The following PTPRD variants were observed in gnomAD, a reference collection of about 807,000 sequenced individuals.
PTPRD encodes receptor-type tyrosine-protein phosphatase delta.
Under a neutral mutation model 214.5 loss-of-function variants are expected in PTPRD, and 34 were observed. The ratio of observed to expected loss-of-function variants is 0.16; its 90% CI spans 0.12 to 0.21. The LOEUF (loss-of-function observed/expected upper bound fraction) is 0.21. Ranked by LOEUF, PTPRD falls within the 10% of genes least tolerant of loss-of-function variation. PTPRD has a pLI of 1.00. For synonymous variants in PTPRD, 1,128 were observed against 845.7 expected, an observed-to-expected ratio of 1.33 and a Z score of -5.79; for missense variants, 2,545 against 2,398.7, an observed-to-expected ratio of 1.06 and a Z score of -1.27.
intron 2 of PTPRD, among the ~76,000 whole-genome samples, chr9:10,511,568 TA>T (rs1446638681): frequency 6.0e-5 from 6 of 100,108 alleles, no homozygotes; most frequent in Non-Finnish European, 9.2e-5. Flanking sequence ...CACACCCTGG[TA>T]TTTTTTTTTT....
chr9:9,021,163 A>G (rs2099568399), intron 10 of PTPRD, among the ~76,000 whole-genome samples: 1 of 152,202 alleles, frequency 6.6e-6, no homozygotes, highest in Non-Finnish European at 1.5e-5. Flanking sequence ...ATCTTTTGTT[A>G]CATAAACACC....
At chr9:9,922,111 C>G (rs1353283688) in intron 5 of PTPRD, among the ~76,000 whole-genome samples, 1 of 152,064 alleles carries the variant, frequency 6.6e-6, no homozygotes, top group Non-Finnish European at 1.5e-5. Flanking sequence ...AAGAAGTTAG[C>G]AAATCACTCA....
chr9:9,366,255 T>C (rs868631614), intron 9 of PTPRD, among the ~76,000 whole-genome samples: 9 of 151,590 alleles, frequency 5.9e-5, no homozygotes, highest in Non-Finnish European at 7.4e-5. Flanking sequence ...CTGAGTGTTG[T>C]AATTTTTTTA....
intron 12 of PTPRD, among the ~76,000 whole-genome samples, chr9:8,639,125 G>C (rs1564897635): frequency 6.6e-6 from 1 of 152,202 alleles, no homozygotes; most frequent in Non-Finnish European, 1.5e-5. Flanking sequence ...ACAGGCGTGA[G>C]CCACCACGCC....
At chr9:8,565,473 C>T (rs567254177) in intron 14 of PTPRD, among the ~76,000 whole-genome samples, 13 of 152,174 alleles carry the variant, frequency 8.5e-5, no homozygotes, top group Non-Finnish European at 1.6e-4. Flanking sequence ...AAATGTAATT[C>T]CTATGCATGA....
intron 32 of PTPRD, among the ~76,000 whole-genome samples, chr9:8,465,031 T>C (rs1565019855): frequency 6.6e-6 from 1 of 151,930 alleles, no homozygotes; most frequent in Admixed American, 6.6e-5. Context: ...ATATGCCATG[T>C]TGAATGGCCA....
chr9:9,480,596 T>A (rs868533947), intron 8 of PTPRD, among the ~76,000 whole-genome samples: 1 of 152,164 alleles, frequency 6.6e-6, no homozygotes, highest in Non-Finnish European at 1.5e-5. Flanking sequence ...CTCTTTTTCT[T>A]TTAGTAATTT....
At chr9:9,349,453 G>A (rs891121943) in intron 9 of PTPRD, among the ~76,000 whole-genome samples, 1 of 152,008 alleles carries the variant, frequency 6.6e-6, no homozygotes, top group Non-Finnish European at 1.5e-5. Flanking sequence ...CTCCCAAGAA[G>A]ATTGCTGCCA....
intron 3 of PTPRD, among the ~76,000 whole-genome samples, chr9:10,287,034 G>T (rs1441924204): frequency 6.6e-6 from 1 of 152,156 alleles, no homozygotes; most frequent in Non-Finnish European, 1.5e-5. Flanking sequence ...AAACAGCTCA[G>T]CAAATAAGAA....
chr9:10,467,008 CG>C (rs1458039316), intron 2 of PTPRD, among the ~76,000 whole-genome samples: 3 of 152,082 alleles, frequency 2.0e-5, no homozygotes, highest in Non-Finnish European at 4.4e-5. Context: ...TAGAGTTCCC[CG>C]GGAACCACAT....
At chr9:9,822,501 T>C (rs1038211412) in intron 5 of PTPRD, among the ~76,000 whole-genome samples, 1 of 148,150 alleles carries the variant, frequency 6.7e-6, no homozygotes, top group African/African-American at 2.5e-5. Context: ...ACATATAATA[T>C]ATATGTAATA....
chr9:9,375,910 A>G (rs1027783193), intron 9 of PTPRD, among the ~76,000 whole-genome samples: 21 of 152,184 alleles, frequency 1.4e-4, no homozygotes, highest in African/African-American at 5.1e-4. Flanking sequence ...ACTGAATGGC[A>G]CACTTAAAAA....
chr9:9,929,133 T>C (rs572798648), intron 5 of PTPRD, among the ~76,000 whole-genome samples: 1 of 152,340 alleles, frequency 6.6e-6, no homozygotes, highest in African/African-American at 2.4e-5. Context: ...AACTCTGTGA[T>C]CCTTCTAGTC....
At chr9:9,573,515 A>G (rs1488515564) in intron 8 of PTPRD, among the ~76,000 whole-genome samples, 3 of 151,616 alleles carry the variant, frequency 2.0e-5, no homozygotes, top group Non-Finnish European at 4.4e-5. Flanking sequence ...AATTTTCTCT[A>G]TGTATATAAG....
chr9:8,855,681 G>A (rs2097902950), intron 11 of PTPRD, among the ~76,000 whole-genome samples: 1 of 152,118 alleles, frequency 6.6e-6, no homozygotes, highest in Non-Finnish European at 1.5e-5. Context: ...TTTTACAGGA[G>A]TAAAAATCTA....
At chr9:9,933,485 C>A (rs1247606050) in intron 5 of PTPRD, among the ~76,000 whole-genome samples, 1 of 151,820 alleles carries the variant, frequency 6.6e-6, no homozygotes, top group Non-Finnish European at 1.5e-5. Context: ...CAAAGAAGGC[C>A]ATTACATAGT....
intron 5 of PTPRD, among the ~76,000 whole-genome samples, chr9:9,875,277 A>T (rs1345357262): frequency 6.6e-6 from 1 of 152,102 alleles, no homozygotes; most frequent in Non-Finnish European, 1.5e-5. Flanking sequence ...CATCACTAAT[A>T]ATGCAGTTAG....
chr9:10,330,991 A>G (rs1355375881), intron 3 of PTPRD, among the ~76,000 whole-genome samples: 1 of 151,704 alleles, frequency 6.6e-6, no homozygotes, highest in Non-Finnish European at 1.5e-5. Context: ...ATCCTTGTGG[A>G]TTTCAGTTTT....
At chr9:8,511,936 CAA>C (rs934425620) in intron 21 of PTPRD, among the ~76,000 whole-genome samples, 5 of 151,896 alleles carry the variant, frequency 3.3e-5, no homozygotes, top group African/African-American at 1.2e-4. Flanking sequence ...AAAAGACTAA[CAA>C]GAGAAACCTT....
Sources: allele counts gnomAD v4.1 joint callset (sites outside exome capture counted in the v4.1 genomes callset), GRCh38; gene constraint gnomAD v4.1.1; transcripts MANE v1.5; gene names NCBI Gene and HGNC (gene_info 2026-07-23, HGNC 2026-07-21).